ESRRG: variants seen among roughly 807,000 people sequenced by gnomAD.
The protein encoded by ESRRG is estrogen related receptor gamma, also known as estrogen-related receptor gamma.
A neutral mutation model predicts 44.0 loss-of-function variants in ESRRG; 13 were observed. That is an observed-to-expected ratio of 0.30 (90% confidence interval 0.19 to 0.47). The LOEUF (loss-of-function observed/expected upper bound fraction) is 0.47, where lower values mean the gene tolerates loss of function less well. ESRRG is among the 20% of genes least tolerant of loss of function. ESRRG has a pLI of 1.00. For missense variants in ESRRG, 395 were observed against 580.6 expected (o/e 0.68, Z 3.29); for synonymous variants, 215 against 214.6 (o/e 1.00, Z -0.02).
chr1:216,506,471 G>GAAAGGGAAAAAGGAAGA lies in ESRRG; in HGVS notation c.*467_*468insTCTTCCTTTTTCCCTTT. The GAAAGGGAAAAAGGAAGA allele has an allele frequency of 2.9e-6, 1 of 346,860 alleles. No individual in the cohort carries two copies. Among genetic ancestry groups the GAAAGGGAAAAAGGAAGA allele is most frequent in the South Asian group, 2.3e-5 (1 of 43,332 alleles). 21.5% of individuals were successfully genotyped at this position (346,860 alleles called of 1,614,324 possible). On this transcript the variant is annotated 3_prime_UTR_variant, in exon 7 of 7. Coordinates refer to ENST00000408911, the MANE Select transcript of ESRRG (RefSeq NM_001438.4). The stretch of plus-strand genomic sequence containing the variant: ...GAGGAAAGGAAAGGAAAGGGAAAAG[G>GAAAGGGAAAAAGGAAGA]AAAGGGAAAAAGGAAAGAAAGGGAA...
At chr1:216,522,797 T>G (rs559152494) in intron 5 of ESRRG, among the ~76,000 whole-genome samples, 1 of 152,332 alleles carries the variant, frequency 6.6e-6, no homozygotes, top group South Asian at 2.1e-4. Context: ...CATGTTTTAA[T>G]AAGCTGAGTC....
At chr1:217,117,070 C>T (rs1194270899) in intron 1 of ESRRG, among the ~76,000 whole-genome samples, 4 of 151,984 alleles carry the variant, frequency 2.6e-5, no homozygotes, top group Middle Eastern at 3.2e-3. Flanking sequence ...ATAATAACAG[C>T]ATATGGAGAA....
At chr1:216,648,680 T>G (rs185160209) in intron 3 of ESRRG, among the ~76,000 whole-genome samples, 2 of 152,266 alleles carry the variant, frequency 1.3e-5, no homozygotes, top group East Asian at 3.9e-4. Context: ...AATAAAAAAT[T>G]ATATATTCCT....
intron 1 of ESRRG, among the ~76,000 whole-genome samples, chr1:216,689,818 TA>T (rs1438303455): frequency 6.7e-6 from 1 of 149,554 alleles, no homozygotes; most frequent in Non-Finnish European, 1.5e-5. Context: ...TGAAAAAACA[TA>T]AGGTCAATAA....
intron 2 of ESRRG, among the ~76,000 whole-genome samples, chr1:216,774,054 A>G (rs1254698594): frequency 3.3e-5 from 5 of 152,122 alleles, no homozygotes; most frequent in African/African-American, 1.2e-4. Context: ...CACCATTTAA[A>G]GATGAATGCG....
chr1:216,982,273 C>T (rs2074092943), intron 1 of ESRRG, among the ~76,000 whole-genome samples: 1 of 152,098 alleles, frequency 6.6e-6, no homozygotes, highest in African/African-American at 2.4e-5. Flanking sequence ...TAGAAACATG[C>T]AGGTATAAGT....
At chr1:217,036,211 T>A (rs1169482258) in intron 1 of ESRRG, among the ~76,000 whole-genome samples, 1 of 152,184 alleles carries the variant, frequency 6.6e-6, no homozygotes, top group Non-Finnish European at 1.5e-5. Context: ...ACACTGTTGG[T>A]AAGAGTGTAA....
chr1:217,084,146 A>G (rs1202941398), intron 1 of ESRRG, among the ~76,000 whole-genome samples: 1 of 149,008 alleles, frequency 6.7e-6, no homozygotes, highest in East Asian at 2.0e-4. Flanking sequence ...AAAAAAAAAA[A>G]ACGAGAAACA....
chr1:216,623,672 T>C (rs905708679), intron 3 of ESRRG, among the ~76,000 whole-genome samples: 1 of 152,070 alleles, frequency 6.6e-6, no homozygotes, highest in Non-Finnish European at 1.5e-5. Context: ...CACTGAAAAC[T>C]TACCCAATGT....
At chr1:217,131,962 G>A (rs1298804541) in intron 1 of ESRRG, among the ~76,000 whole-genome samples, 3 of 152,060 alleles carry the variant, frequency 2.0e-5, no homozygotes, top group African/African-American at 7.2e-5. Context: ...AGTTCCTCTA[G>A]ACACTGACCT....
At chr1:216,831,687 G>A (rs1336693777) in intron 2 of ESRRG, among the ~76,000 whole-genome samples, 1 of 152,092 alleles carries the variant, frequency 6.6e-6, no homozygotes, top group Non-Finnish European at 1.5e-5. Flanking sequence ...AACATGATAT[G>A]CATTTGGATA....
At chr1:217,100,389 AG>A (rs2151566289) in intron 1 of ESRRG, among the ~76,000 whole-genome samples, 1 of 152,338 alleles carries the variant, frequency 6.6e-6, no homozygotes, top group East Asian at 1.9e-4. Context: ...GGATCACCCC[AG>A]GTGATTCTGT....
chr1:217,030,545 T>C (rs1407655890), intron 1 of ESRRG, among the ~76,000 whole-genome samples: 15 of 152,250 alleles, frequency 9.9e-5, no homozygotes, highest in Non-Finnish European at 8.8e-5. Flanking sequence ...TTAGCCTTTC[T>C]GATCCCCAGC....
At chr1:216,729,483 T>C (rs1263508190) in intron 2 of ESRRG, among the ~76,000 whole-genome samples, 1 of 152,210 alleles carries the variant, frequency 6.6e-6, no homozygotes, top group African/African-American at 2.4e-5. Context: ...TGGGAGATAC[T>C]GGATACAGAA....
chr1:216,831,614 C>A (rs187847190), intron 2 of ESRRG, among the ~76,000 whole-genome samples: 3 of 151,660 alleles, frequency 2.0e-5, no homozygotes, highest in African/African-American at 4.8e-5. Context: ...GTGAATAATG[C>A]GACATTACTT....
At chr1:216,757,135 T>C (rs1023060706) in intron 2 of ESRRG, among the ~76,000 whole-genome samples, 4 of 152,066 alleles carry the variant, frequency 2.6e-5, no homozygotes, top group Non-Finnish European at 4.4e-5. Context: ...TAAATCTTTA[T>C]TATAAAGATT....
At chr1:216,595,992 C>T (rs2150070878) in intron 3 of ESRRG, among the ~76,000 whole-genome samples, 1 of 152,314 alleles carries the variant, frequency 6.6e-6, no homozygotes, top group East Asian at 1.9e-4. Flanking sequence ...CCAATTCAAA[C>T]AGCAGTCAGG....
At chr1:216,587,627 T>C (rs149799389) in intron 3 of ESRRG, among the ~76,000 whole-genome samples, 20 of 152,256 alleles carry the variant, frequency 1.3e-4, no homozygotes, top group African/African-American at 4.8e-4. Context: ...TTGTCTCCCT[T>C]CCCCCTCTTA....
At chr1:217,135,341 C>A (rs1297817329) in intron 1 of ESRRG, among the ~76,000 whole-genome samples, 3 of 152,132 alleles carry the variant, frequency 2.0e-5, no homozygotes, top group African/African-American at 7.2e-5. Flanking sequence ...ACTCATTTTG[C>A]GCCCAGATGC....
Sources: allele counts gnomAD v4.1 joint callset (sites outside exome capture counted in the v4.1 genomes callset), GRCh38; gene constraint gnomAD v4.1.1; transcripts MANE v1.5; gene names NCBI Gene and HGNC (gene_info 2026-07-23, HGNC 2026-07-21).